ZSCAN12: variants seen among roughly 807,000 people sequenced by gnomAD.
The protein encoded by ZSCAN12 is zinc finger and SCAN domain containing 12.
ZSCAN12 carries 18 observed loss-of-function variants against 23.4 expected under a neutral mutation model. The observed-to-expected ratio is 0.77, with a 90% CI of 0.53 to 1.14. The LOEUF (loss-of-function observed/expected upper bound fraction) is 1.14. Among genes scored for constraint, ZSCAN12 ranks in the 50% most tolerant of loss-of-function variants. The pLI, the probability that ZSCAN12 is intolerant of heterozygous loss-of-function variation, is 0.00. For synonymous variants in ZSCAN12, 186 were observed against 253.4 expected (o/e 0.73, Z 2.53); for missense variants, 650 against 735.0 (o/e 0.88, Z 1.34).
downstream of ZSCAN12, chr6:28,382,598 C>T (rs1760313673): frequency 1.3e-6 from 2 of 1,551,408 alleles, no homozygotes; most frequent in African/African-American, 2.7e-5. Context: ...TTCCTTGTAG[C>T]TGGTCTTCTT....
rs767039466 is a variant in ZSCAN12 at position 28,398,218 on chromosome 6, G to A, written c.188C>T (p.Ala63Val). 1.2e-6 allele frequency: 2 copies of A among 1,614,152 alleles called. No individual in the cohort carries two copies. Among genetic ancestry groups the A allele is most frequent in the Middle Eastern group, 1.6e-4 (1 of 6,062 alleles). Residue 63 changes from alanine (A) to valine (V), a missense_variant, in exon 2 of 4, where the codon GCT becomes GTT. Transcript: ENST00000684592. ...GCAAAGTTCTCGGAGTCGGCTCAAA[G>A]CCTCACGGGGACCAGATGTCTCCTG... is the stretch of plus-strand genomic sequence containing the variant. ...CYQETSGPRE[A>V]LSRLRELCHQ...
intron 2 of ZSCAN12, among the ~76,000 whole-genome samples, chr6:28,397,586 A>G (rs1479863782): frequency 6.6e-6 from 1 of 152,150 alleles, no homozygotes; most frequent in Non-Finnish European, 1.5e-5. Flanking sequence ...TTCCCCTGAA[A>G]TAGTTAATGT....
At chr6:28,384,067 C>T (rs2113962237), downstream of ZSCAN12, among the ~76,000 whole-genome samples, 1 of 152,282 alleles carries the variant, frequency 6.6e-6, no homozygotes, top group South Asian at 2.1e-4. Context: ...GGTTAAATCC[C>T]TTGCCCAAAG....
chr6:28,391,403 T>C lies in ZSCAN12; in HGVS notation c.887A>G (p.His296Arg). 1.9e-6 allele frequency: 3 copies of C among 1,551,672 alleles called. No individual in the cohort carries two copies. Among genetic ancestry groups the C allele is most frequent in the Non-Finnish European group, 8.7e-7 (1 of 1,146,776 alleles). Residue 296 changes from histidine (H) to arginine (R), a missense_variant, in exon 4 of 4, where the codon CAT becomes CGT. Transcript: ENST00000684592. This position sits in a 1 kb window ranked among gnomAD's most constrained non-coding sequence, Gnocchi z 4.1. ...GCATTTGTAGGGTCTATCTCCAGTA[T>C]GGATCCTCTGATGTTCTATGAGGTG... ...HSHLIEHQRI[H>R]TGDRPYKCEE...
chr6:28,399,076 T>G (rs1761283861), intron 1 of ZSCAN12, among the ~76,000 whole-genome samples: 1 of 152,222 alleles, frequency 6.6e-6, no homozygotes, highest in East Asian at 1.9e-4. Context: ...AAAACTAACA[T>G]TTAGATCAAG....
intron 2 of ZSCAN12, among the ~76,000 whole-genome samples, chr6:28,393,733 C>T (rs1760974797): frequency 9.9e-6 from 1 of 101,332 alleles, no homozygotes; most frequent in Non-Finnish European, 1.8e-5. Context: ...GACACTGTAG[C>T]TCCAAAAAAA....
intron 2 of ZSCAN12, 122 bp downstream of exon 2, chr6:28,397,882 G>A (rs1038368149): frequency 1.3e-5 from 16 of 1,218,658 alleles, no homozygotes; most frequent in Non-Finnish European, 1.8e-5. Context: ...TGAAACTCAT[G>A]CCCCTTTCTG....
downstream of ZSCAN12, chr6:28,381,134 A>G (rs1354936443): frequency 6.6e-6 from 1 of 152,204 alleles, no homozygotes; most frequent in Non-Finnish European, 1.5e-5. Context: ...CAATAAAAGA[A>G]ATCAGGAAAG....
rs1344562521 is a variant in ZSCAN12, at chr6:28,392,929, G to C, written c.520C>G (p.Pro174Ala). ...SMKAQPKYESPELESQQEQVL... is the reference protein window; with the variant it reads ...SMKAQPKYESAELESQQEQVL... The stretch of plus-strand genomic sequence containing the variant: ...TGCTCCTGTTGGGATTCAAGTTCTG[G>C]AGATTCATACTTTGGCTGGGCTTTC... The change falls in exon 3 of 4, where the codon CCA (proline) becomes GCA (alanine). Residue 174 changes from proline (P) to alanine (A), a missense_variant. Pro to Ala is a conservative substitution (Grantham distance 27). Coordinates refer to ENST00000684592, the MANE Select transcript of ZSCAN12 (RefSeq NM_001163391.2). 6.4e-6 allele frequency: 10 copies of C among 1,552,050 alleles called. No individual in the cohort carries two copies. The highest frequency in any genetic ancestry group is 7.8e-6 in the Non-Finnish European group (9 of 1,147,090).
chr6:28,388,499 G>T lies in ZSCAN12; in HGVS notation c.*1955C>A, dbSNP rs1172371973. Among the ~76,000 whole-genome samples, 1 of 152,124 alleles carries T rather than the reference G, an allele frequency of 6.6e-6. No individual in the cohort carries two copies. The highest frequency in any genetic ancestry group is 2.4e-5 in the African/African-American group (1 of 41,422). On this transcript the variant is annotated 3_prime_UTR_variant, in exon 4 of 4. Coordinates refer to ENST00000684592, the MANE Select transcript of ZSCAN12 (RefSeq NM_001163391.2). Reference sequence around the variant, plus strand: ...GAGACGCTTCTAGTTCCAACCCAGGGATGAAATTCTATACAGGGTTTATGG... The same window carrying T: ...GAGACGCTTCTAGTTCCAACCCAGGTATGAAATTCTATACAGGGTTTATGG...
intron 1 of ZSCAN12, among the ~76,000 whole-genome samples, chr6:28,399,147 C>T (rs1761288772): frequency 6.6e-6 from 1 of 152,120 alleles, no homozygotes; most frequent in South Asian, 2.1e-4. Context: ...TTTTGAATGT[C>T]CAGATGTCTG....
rs1745339776 is a variant in ZSCAN12, at chr6:28,384,910, T to C, written c.*5544A>G. Among the ~76,000 whole-genome samples, 1 of 152,136 alleles carries C rather than the reference T, an allele frequency of 6.6e-6. No homozygotes were observed. Among genetic ancestry groups the C allele is most frequent in the Non-Finnish European group, 1.5e-5 (1 of 68,028 alleles). On this transcript the variant is annotated 3_prime_UTR_variant, in exon 4 of 4. Coordinates refer to ENST00000684592, the MANE Select transcript of ZSCAN12 (RefSeq NM_001163391.2). ...GTATATAACTTTTCGGTTTAAAGGATAAAAGTTGGGAAGAGATTCAATTAA... is the reference window on the plus strand; with the variant it reads ...GTATATAACTTTTCGGTTTAAAGGACAAAAGTTGGGAAGAGATTCAATTAA...
At chr6:28,380,639 A>G (rs1760185443), downstream of ZSCAN12, 1 of 153,758 alleles carries the variant, frequency 6.5e-6, no homozygotes, top group African/African-American at 2.4e-5. Flanking sequence ...GGGTTCCACT[A>G]TAAACAAAAG....
At chr6:28,382,262 C>G, downstream of ZSCAN12, 3 of 491,068 alleles carry the variant, frequency 6.1e-6, no homozygotes, top group Non-Finnish European at 9.9e-6. Flanking sequence ...TATTTCTGGT[C>G]TCAGGAACTA....
chr6:28,382,611 T>G (rs765902244), downstream of ZSCAN12: 96 of 1,551,228 alleles, frequency 6.2e-5, no homozygotes, highest in Middle Eastern at 1.3e-3. Flanking sequence ...GTCTTCTTCC[T>G]GAGGCATAAA....
At chr6:28,383,849 T>A (rs1441410477), downstream of ZSCAN12, among the ~76,000 whole-genome samples, 1 of 152,188 alleles carries the variant, frequency 6.6e-6, no homozygotes, top group Non-Finnish European at 1.5e-5. Context: ...CTGGGAAACA[T>A]GCAGCTTGGT....
chr6:28,390,632 T>C lies in ZSCAN12; in HGVS notation c.1658A>G (p.Tyr553Cys). Residue 553 changes from tyrosine to cysteine, a missense_variant, in exon 4 of 4, where the codon TAC (tyrosine) becomes TGC (cysteine). Coordinates refer to ENST00000684592, the MANE Select transcript of ZSCAN12 (RefSeq NM_001163391.2). The stretch of plus-strand genomic sequence containing the variant: ...GGCTTTTCCACACTCATCACATTGG[T>C]AGGGCTTCTCCCCAGTGTGGATTCT... ...HQRIHTGEKP[Y>C]QCDECGKAFR... 1.2e-6 allele frequency: 2 copies of C among 1,613,240 alleles called. No homozygotes were observed. Among genetic ancestry groups the C allele is most frequent in the East Asian group, 2.2e-5 (1 of 44,848 alleles).
At chr6:28,398,761 C>CAAAAAAAAAAA (rs775480746) in intron 1 of ZSCAN12, among the ~76,000 whole-genome samples, 16 of 72,662 alleles carry the variant, frequency 2.2e-4, no homozygotes, top group Non-Finnish European at 3.3e-4. Context: ...ACTAAAAATA[C>CAAAAAAAAAAA]AAAAAAAAAA....
At chr6:28,396,370 A>C (rs956444866) in intron 2 of ZSCAN12, among the ~76,000 whole-genome samples, 1 of 152,258 alleles carries the variant, frequency 6.6e-6, no homozygotes, top group Admixed American at 6.5e-5. Flanking sequence ...ATATGTGCTT[A>C]ATTGTTTCCT....
Sources: gnomAD v4.1 joint callset for allele counts (sites outside exome capture counted in the v4.1 genomes callset) on GRCh38, gnomAD v4.1.1 for gene constraint, Gnocchi (gnomAD v3.1) non-coding constraint, MANE v1.5 for transcripts, NCBI Gene and HGNC (gene_info 2026-07-23, HGNC 2026-07-21) for gene names.